Variants in CLMN observed in about 807,000 individuals in gnomAD.
The protein encoded by CLMN is calmin (calponin-like, transmembrane).
CLMN carries 57 observed loss-of-function variants against 92.7 expected under a neutral mutation model. The ratio of observed to expected loss-of-function variants is 0.61; its 90% CI spans 0.50 to 0.77. CLMN has a LOEUF of 0.77. Among genes scored for constraint, CLMN ranks in the 30% least tolerant of loss-of-function variants. The pLI is 0.00. For synonymous variants in CLMN, 466 were observed against 470.6 expected (o/e 0.99, Z 0.13); for missense variants, 1,158 against 1,237.5 (o/e 0.94, Z 0.96).
rs769527192 is a variant in CLMN, at chr14:95,193,820, C to T, written c.2840+29G>A. 5.0e-6 allele frequency: 8 copies of T among 1,610,908 alleles called. No homozygotes were observed. The Admixed American group carries it at 1.0e-4, about 20-fold the overall frequency. On this transcript the variant is annotated intron_variant, in intron 12 of 12. Transcript: ENST00000298912. The stretch of plus-strand genomic sequence containing the variant: ...AATGTAAAAACATTTTATTACTACC[C>T]CCACAAAACCTGAAGTAAAGCCACC...
chr14:95,280,607 T>G (rs1301125562), intron 1 of CLMN, among the ~76,000 whole-genome samples: 2 of 152,188 alleles, frequency 1.3e-5, no homozygotes, highest in Admixed American at 1.3e-4. Context: ...AAAATCTAAT[T>G]CTAAATTAAG....
chr14:95,270,098 A>C (rs954617064), intron 1 of CLMN, among the ~76,000 whole-genome samples: 1 of 152,194 alleles, frequency 6.6e-6, no homozygotes. Context: ...GGGAAGAGCC[A>C]GGGCCAGGAC....
At chr14:95,262,074 T>A (rs551889902) in intron 1 of CLMN, among the ~76,000 whole-genome samples, 1 of 152,328 alleles carries the variant, frequency 6.6e-6, no homozygotes, top group Admixed American at 6.5e-5. Context: ...TATTCCCAAA[T>A]GCTCCCAAAC....
In CLMN at chr14:95,294,494, G is replaced by A. The variant is rs1176434971; in HGVS notation, c.82+25217C>T. On this transcript the variant is annotated intron_variant, in intron 1 of 12. Transcript: ENST00000298912. This position sits in a 1 kb window ranked among gnomAD's most constrained non-coding sequence, Gnocchi z 4.2. ...GGGAAGGATCCTGTCCAACAGAAAGGCCCTGGAGACAGACCTGCATCCACA... is the reference window on the plus strand; with the variant it reads ...GGGAAGGATCCTGTCCAACAGAAAGACCCTGGAGACAGACCTGCATCCACA... Among the ~76,000 whole-genome samples the A allele has an allele frequency of 1.3e-5, 2 of 152,134 alleles. No individual in the cohort carries two copies. The highest frequency in any genetic ancestry group is 2.9e-5 in the Non-Finnish European group (2 of 68,020).
intron 1 of CLMN, among the ~76,000 whole-genome samples, chr14:95,289,202 T>C (rs183999501): frequency 6.6e-6 from 1 of 152,218 alleles, no homozygotes; most frequent in East Asian, 1.9e-4. Context: ...ATAAATCCCA[T>C]TGGTCAGGCT....
chr14:95,319,303 TCACACACACACACACACACACACA>T (rs60670197), intron 1 of CLMN, among the ~76,000 whole-genome samples: 1 of 144,108 alleles, frequency 6.9e-6, no homozygotes, highest in South Asian at 2.3e-4. Flanking sequence ...GTGCGCGAAC[TCACACACACACACACACACACACA>T]CACACACACA....
At chr14:95,225,720 A>G (rs1566878848) in intron 2 of CLMN, among the ~76,000 whole-genome samples, 1 of 152,202 alleles carries the variant, frequency 6.6e-6, no homozygotes, top group African/African-American at 2.4e-5. Context: ...CAGTTCCCGT[A>G]GACTACTTCC....
At chr14:95,237,260 C>G (rs958545341) in intron 1 of CLMN, among the ~76,000 whole-genome samples, 1 of 152,240 alleles carries the variant, frequency 6.6e-6, no homozygotes, top group East Asian at 1.9e-4. Context: ...TGCAGATGGG[C>G]GGAGTGCCTT....
chr14:95,230,277 G>C (rs1897842638), intron 1 of CLMN, 144 bp from the exon 2 acceptor site: 1 of 724,774 alleles, frequency 1.4e-6, no homozygotes, highest in Non-Finnish European at 2.4e-6. Flanking sequence ...TTCTGGAAGG[G>C]GTTGGCAACG....
chr14:95,310,594 T>C (rs1444788204), intron 1 of CLMN, among the ~76,000 whole-genome samples: 1 of 152,244 alleles, frequency 6.6e-6, no homozygotes, highest in Non-Finnish European at 1.5e-5. Flanking sequence ...TCTAAAGACC[T>C]GCTCCATGTT....
chr14:95,218,217 G>T (rs545235374), intron 4 of CLMN, among the ~76,000 whole-genome samples: 2 of 152,272 alleles, frequency 1.3e-5, no homozygotes. Context: ...ATAACTCAGG[G>T]GCCTGGTAAG....
chr14:95,319,571 G>T, intron 1 of CLMN, 140 bp downstream of exon 1: 2 of 697,468 alleles, frequency 2.9e-6, no homozygotes, highest in South Asian at 1.9e-5. Context: ...TCCAACCCCA[G>T]CCTCCCACCT....
At chr14:95,250,243 C>G (rs1320875171) in intron 1 of CLMN, among the ~76,000 whole-genome samples, 3 of 152,220 alleles carry the variant, frequency 2.0e-5, no homozygotes, top group Non-Finnish European at 4.4e-5. Context: ...TTGTTACTTG[C>G]AGGTGAACGA....
In CLMN at chr14:95,319,804, G is replaced by C; in HGVS notation, c.-12C>G. 1 of 1,499,174 alleles carries C rather than the reference G, an allele frequency of 6.7e-7. No individual in the cohort carries two copies. Among genetic ancestry groups the C allele is most frequent in the African/African-American group, 1.5e-5 (1 of 68,912 alleles). The allele number at this position is 1,499,174 out of a possible 1,614,324, so 92.9% of individuals were successfully genotyped here. A position where few individuals can be genotyped will look rare whatever the true frequency, so the allele number is the denominator to read the frequency against. ...TCGTGTGCAGCCATGAAGCGCGGGC[G>C]GGAGAGCCCGGGCCAGCGCGGCGCG... is the stretch of plus-strand genomic sequence containing the variant. On this transcript the variant is annotated 5_prime_UTR_variant, in exon 1 of 13. Transcript: ENST00000298912.
intron 1 of CLMN, among the ~76,000 whole-genome samples, chr14:95,283,900 A>C (rs1900236855): frequency 6.6e-6 from 1 of 152,210 alleles, no homozygotes; most frequent in Non-Finnish European, 1.5e-5. Flanking sequence ...TGGCTGCTGA[A>C]ATTTGCATAA....
At chr14:95,252,570 C>T (rs1227537666) in intron 1 of CLMN, among the ~76,000 whole-genome samples, 1 of 152,184 alleles carries the variant, frequency 6.6e-6, no homozygotes, top group East Asian at 1.9e-4. Flanking sequence ...AGAGTTCTGA[C>T]TACGAAGGAC....
Position 95,245,238 on chromosome 14 carries a change from T to TATTATATATATATATTA in CLMN, c.83-15106_83-15105insTAATATATATATATAAT, listed in dbSNP as rs1298554368. Among the ~76,000 whole-genome samples the TATTATATATATATATTA allele has an allele frequency of 5.7e-4, 16 of 28,176 alleles. 1 individual carries two copies. The highest frequency in any genetic ancestry group is 8.0e-4 in the Non-Finnish European group (15 of 18,784). The allele number at this position is 28,176 out of a possible 152,430, so 18.5% of individuals were successfully genotyped here. On this transcript the variant is annotated intron_variant, in intron 1 of 12. Coordinates refer to ENST00000298912, the MANE Select transcript of CLMN (RefSeq NM_024734.4). ...TATATATATATATTATATATATATA[T>TATTATATATATATATTA]TATATATATATATATAATATATATA...
chr14:95,199,882 G>A (rs1355196288), intron 9 of CLMN, among the ~76,000 whole-genome samples: 1 of 152,106 alleles, frequency 6.6e-6, no homozygotes, highest in Non-Finnish European at 1.5e-5. Flanking sequence ...GGCTTGGCTA[G>A]AGGGGAGGGA....
In CLMN at chr14:95,221,365, A is replaced by G. The variant is rs79349596; in HGVS notation, c.324+326T>C. The stretch of plus-strand genomic sequence containing the variant: ...TTCTACACTCGGACATGCTCGCCAT[A>G]CTCTTATTCAAGGGAATGAAGGAGA... On this transcript the variant is annotated intron_variant, in intron 4 of 12. Coordinates refer to ENST00000298912, the MANE Select transcript of CLMN (RefSeq NM_024734.4). Among the ~76,000 whole-genome samples, 66 of 152,248 alleles carry G rather than the reference A, an allele frequency of 4.3e-4. No homozygotes were observed. The East Asian group carries it at 0.012, about 28-fold the overall frequency.
Sources: allele counts gnomAD v4.1 joint callset (sites outside exome capture counted in the v4.1 genomes callset), GRCh38; gene constraint gnomAD v4.1.1; non-coding constraint Gnocchi (gnomAD v3.1); transcripts MANE v1.5; gene names NCBI Gene and HGNC (gene_info 2026-07-23, HGNC 2026-07-21).